ITGB5: variants seen among roughly 807,000 people sequenced by gnomAD.
The protein encoded by ITGB5 is integrin beta-5.
In ITGB5, 38 loss-of-function variants were observed where a neutral mutation model predicts 84.8. The ratio of observed to expected loss-of-function variants is 0.45; its 90% CI spans 0.35 to 0.59. The LOEUF (loss-of-function observed/expected upper bound fraction) is 0.59. Ranked by LOEUF, ITGB5 falls within the 20% of genes least tolerant of loss-of-function variation. ITGB5 has a pLI of 0.01. For synonymous variants in ITGB5, 393 were observed against 414.4 expected, an observed-to-expected ratio of 0.95 and a Z score of 0.63; for missense variants, 905 against 1,034.5, an observed-to-expected ratio of 0.87 and a Z score of 1.72.
chr3:124,854,613 C>T (rs1027640450), intron 3 of ITGB5, among the ~76,000 whole-genome samples: 16 of 152,016 alleles, frequency 1.1e-4, no homozygotes, highest in Admixed American at 6.6e-5. Flanking sequence ...GGGTGGGAGA[C>T]GGTAGTTTAA....
rs542434270 is a variant in ITGB5, at chr3:124,830,647, C to A, written c.781-9173G>T. Among the ~76,000 whole-genome samples, 7 of 152,346 alleles carry A rather than the reference C, an allele frequency of 4.6e-5. No individual in the cohort carries two copies. In the South Asian group the frequency reaches 8.3e-4, roughly 18 times the overall value. ...CTGCCACCTGGGTATGGGGCCCACA[C>A]ACATACTCACTGCCACACTGCTAAG... On this transcript the variant is annotated intron_variant, in intron 5 of 14. Transcript: ENST00000296181.
intron 1 of ITGB5, among the ~76,000 whole-genome samples, chr3:124,895,886 C>T (rs779417660): frequency 1.3e-5 from 2 of 152,172 alleles, no homozygotes; most frequent in Non-Finnish European, 2.9e-5. Flanking sequence ...GCTGAGCAAC[C>T]GTGCAACTGC....
At chr3:124,816,793 T>C (rs185469613) in intron 8 of ITGB5, among the ~76,000 whole-genome samples, 8 of 152,332 alleles carry the variant, frequency 5.3e-5, no homozygotes, top group African/African-American at 1.7e-4. Context: ...ACCACCTCTA[T>C]AAGAACTTAC....
In ITGB5 at chr3:124,887,002, G is replaced by A; in HGVS notation, c.-2C>T. On this transcript the variant is annotated 5_prime_UTR_variant, in exon 1 of 15. Coordinates refer to ENST00000296181, the MANE Select transcript of ITGB5 (RefSeq NM_002213.5). ...CAGCGGCGCCGGGGCCCGCGGCATG[G>A]TGGGGCGCCTCCCTCAGCGGCGGCG... 1 of 1,182,640 alleles carries A rather than the reference G, an allele frequency of 8.5e-7. No homozygotes were observed. Among genetic ancestry groups the A allele is most frequent in the Non-Finnish European group, 1.0e-6 (1 of 956,704 alleles). The allele number at this position is 1,182,640 out of a possible 1,614,324, so 73.3% of individuals were successfully genotyped here. A position where few individuals can be genotyped will look rare whatever the true frequency, so the allele number is the denominator to read the frequency against.
At chr3:124,894,134 CTTTTTTT>C (rs748784158) in intron 1 of ITGB5, among the ~76,000 whole-genome samples, 1 of 104,354 alleles carries the variant, frequency 9.6e-6, no homozygotes, top group African/African-American at 3.7e-5. Context: ...TGATATTTTT[CTTTTTTT>C]TTTTTTTTTT....
chr3:124,818,668 C>G (rs1458866707), intron 7 of ITGB5, among the ~76,000 whole-genome samples: 1 of 151,988 alleles, frequency 6.6e-6, no homozygotes, highest in Non-Finnish European at 1.5e-5. Flanking sequence ...CACACACCAC[C>G]ACGCCCTGAA....
At chr3:124,900,805 T>C (rs1317239461) in intron 1 of ITGB5, among the ~76,000 whole-genome samples, 1 of 152,204 alleles carries the variant, frequency 6.6e-6, no homozygotes, top group Non-Finnish European at 1.5e-5. Flanking sequence ...GAAAATGGAT[T>C]TATCTCCTTT....
chr3:124,873,628 A>G, intron 1 of ITGB5, 97 bp from the exon 2 acceptor site: 1 of 929,550 alleles, frequency 1.1e-6, no homozygotes, highest in Admixed American at 1.7e-5. Context: ...CTTTAACAGG[A>G]GGCCTCTCTG....
At chr3:124,769,990 A>G (rs966150680) in intron 11 of ITGB5, 2 of 152,270 alleles carry the variant, frequency 1.3e-5, no homozygotes, top group African/African-American at 4.8e-5. Context: ...GTTCAATTAA[A>G]TGGTCATTAT....
At chr3:124,766,417 G>C in intron 12 of ITGB5, 72 bp from the exon 13 acceptor site, 1 of 1,567,806 alleles carries the variant, frequency 6.4e-7, no homozygotes, top group Non-Finnish European at 8.7e-7. Context: ...TCGGGGCAGG[G>C]AGCCGAGTGC....
intron 8 of ITGB5, among the ~76,000 whole-genome samples, chr3:124,815,584 T>C (rs2064576675): frequency 6.6e-6 from 1 of 152,166 alleles, no homozygotes; most frequent in African/African-American, 2.4e-5. Context: ...GTCTCCCAGC[T>C]CTGGCATCCT....
chr3:124,769,300 G>C (rs978435857), intron 11 of ITGB5, 187 bp from the exon 12 acceptor site: 1 of 569,798 alleles, frequency 1.8e-6, no homozygotes, highest in African/African-American at 1.9e-5. Flanking sequence ...AGGGTTCTTG[G>C]AGGAGCCTGT....
chr3:124,867,545 T>C (rs1349674134), intron 2 of ITGB5, among the ~76,000 whole-genome samples: 11 of 152,194 alleles, frequency 7.2e-5, no homozygotes, highest in Admixed American at 2.6e-4. Flanking sequence ...ACCACTGTCC[T>C]CTTGCGAGTG....
chr3:124,800,662 T>A (rs1218064330), intron 9 of ITGB5, among the ~76,000 whole-genome samples: 2 of 152,252 alleles, frequency 1.3e-5, no homozygotes, highest in African/African-American at 4.8e-5. Flanking sequence ...TCTCAGCTCC[T>A]GCTGGGCACG....
chr3:124,764,486 C>A lies in ITGB5; in HGVS notation c.2209G>T (p.Ala737Ser), dbSNP rs755403501. ...VVGSILLVGL[A>S]LLAIWKLLVT... ...AGCAGCTTCCAGATAGCCAGGAGTG[C>A]AAGCCCAACAAGGAGGATGCTACCG... Residue 737 changes from alanine (A) to serine (S), a missense_variant, in exon 14 of 15, where the codon GCA becomes TCA. Physicochemically the swap from Ala to Ser is moderately conservative, Grantham distance 99 (BLOSUM62 1). Coordinates refer to ENST00000296181, the MANE Select transcript of ITGB5 (RefSeq NM_002213.5). The A allele has an allele frequency of 1.2e-6, 2 of 1,614,094 alleles. No homozygotes were observed. The highest frequency in any genetic ancestry group is 1.1e-5 in the South Asian group (1 of 91,062).
At chr3:124,811,874 G>A (rs1415755351) in intron 8 of ITGB5, among the ~76,000 whole-genome samples, 1 of 152,144 alleles carries the variant, frequency 6.6e-6, no homozygotes. Flanking sequence ...ACAGGACCGG[G>A]TGCAGGCTTT....
chr3:124,778,291 CTATT>C (rs1226511936), intron 10 of ITGB5, among the ~76,000 whole-genome samples: 2 of 152,228 alleles, frequency 1.3e-5, no homozygotes, highest in Non-Finnish European at 2.9e-5. Flanking sequence ...GTAAATGTGT[CTATT>C]TATACAGATT....
At chr3:124,891,135 T>C (rs1040134717), upstream of ITGB5, among the ~76,000 whole-genome samples, 51 of 152,304 alleles carry the variant, frequency 3.3e-4, no homozygotes, top group African/African-American at 1.1e-3. Context: ...AATTTTATGT[T>C]TCTTATTGTT....
intron 12 of ITGB5, among the ~76,000 whole-genome samples, chr3:124,766,640 C>T (rs560734944): frequency 5.3e-5 from 8 of 151,958 alleles, no homozygotes; most frequent in Non-Finnish European, 7.4e-5. Context: ...TTAATGGTTT[C>T]GGGGTGGGGA....
Sources: allele counts gnomAD v4.1 joint callset (sites outside exome capture counted in the v4.1 genomes callset), GRCh38; gene constraint gnomAD v4.1.1; transcripts MANE v1.5; gene names NCBI Gene and HGNC (gene_info 2026-07-23, HGNC 2026-07-21).